Variants in CPB1 observed in about 807,000 individuals in gnomAD.
CPB1 encodes the protein carboxypeptidase B.
CPB1 carries 53 observed loss-of-function variants against 51.4 expected under a neutral mutation model. The observed-to-expected ratio is 1.03, with a 90% confidence interval of 0.83 to 1.30. The LOEUF is 1.30. Among genes scored for constraint, CPB1 ranks in the 50% most tolerant of loss-of-function variants. The pLI, the probability that CPB1 is intolerant of heterozygous loss-of-function variation, is 0.00. For missense variants in CPB1, 494 were observed against 516.2 expected, an observed-to-expected ratio of 0.96 and a Z score of 0.42; for synonymous variants, 189 against 186.9, an observed-to-expected ratio of 1.01 and a Z score of -0.09.
chr3:148,834,164 C>T (rs1348875349), intron 2 of CPB1, among the ~76,000 whole-genome samples: 1 of 152,178 alleles, frequency 6.6e-6, no homozygotes, highest in Non-Finnish European at 1.5e-5. Context: ...TCCATTACCA[C>T]ATAGCATCTA....
At chr3:148,845,751 T>G in intron 9 of CPB1, 125 bp downstream of exon 9, 1 of 719,694 alleles carries the variant, frequency 1.4e-6, no homozygotes, top group Non-Finnish European at 2.3e-6. Flanking sequence ...GGTAGTAGAA[T>G]TGAAAAACTT....
intron 3 of CPB1, among the ~76,000 whole-genome samples, chr3:148,839,972 C>T (rs1713028768): frequency 6.6e-6 from 1 of 152,032 alleles, no homozygotes; most frequent in South Asian, 2.1e-4. Flanking sequence ...AGACTGGCCT[C>T]ATAATAGAAA....
chr3:148,845,473 C>G lies in CPB1; in HGVS notation c.828C>G (p.Ala276=). Residue 276 remains alanine, a synonymous_variant, in exon 9 of 11, where the codon GCC becomes GCG. Coordinates refer to ENST00000282957, the MANE Select transcript of CPB1 (RefSeq NM_001871.3). ...NPCDETYCGP[A]AESEKETKAL... Reference sequence around the variant, plus strand: ...GTGATGAAACTTACTGTGGACCTGCCGCAGAGTCTGAAAAGGAGACCAAGG... The same window carrying G: ...GTGATGAAACTTACTGTGGACCTGCGGCAGAGTCTGAAAAGGAGACCAAGG... 1 of 1,613,880 alleles carries G rather than the reference C, an allele frequency of 6.2e-7. No homozygotes were observed. The highest frequency in any genetic ancestry group is 1.1e-5 in the South Asian group (1 of 91,070).
At chr3:148,841,498 T>TTGGTCA (rs1713080011) in intron 5 of CPB1, among the ~76,000 whole-genome samples, 1 of 152,210 alleles carries the variant, frequency 6.6e-6, no homozygotes, top group Admixed American at 6.5e-5. Context: ...TCCAGTTGTC[T>TTGGTCA]TGGTCATGTC....
chr3:148,853,423 G>C (rs1221753535), intron 9 of CPB1, among the ~76,000 whole-genome samples: 1 of 152,164 alleles, frequency 6.6e-6, no homozygotes, highest in Non-Finnish European at 1.5e-5. Context: ...CAGGTCCTTG[G>C]AACTCAATGC....
chr3:148,845,059 A>C (rs1413828099), intron 8 of CPB1, among the ~76,000 whole-genome samples: 1 of 152,168 alleles, frequency 6.6e-6, no homozygotes, highest in East Asian at 1.9e-4. Context: ...CTATTAAATA[A>C]ATAATTATTT....
intron 9 of CPB1, among the ~76,000 whole-genome samples, chr3:148,848,716 C>T (rs1713328689): frequency 6.6e-6 from 1 of 152,080 alleles, no homozygotes; most frequent in Non-Finnish European, 1.5e-5. Context: ...AATAATTGCT[C>T]ATATCATGAG....
At chr3:148,843,949 T>G (rs963659764) in intron 6 of CPB1, among the ~76,000 whole-genome samples, 2 of 152,152 alleles carry the variant, frequency 1.3e-5, no homozygotes, top group African/African-American at 4.8e-5. Context: ...TGAGCTTATT[T>G]TGAGAGGCAT....
intron 3 of CPB1, among the ~76,000 whole-genome samples, chr3:148,837,339 A>G (rs1712934768): frequency 6.6e-6 from 1 of 152,184 alleles, no homozygotes; most frequent in Non-Finnish European, 1.5e-5. Flanking sequence ...CAGTGGGCGC[A>G]AAGTCCAGGT....
chr3:148,854,687 A>G (rs527302530), intron 9 of CPB1: 3 of 152,340 alleles, frequency 2.0e-5, no homozygotes, highest in African/African-American at 7.2e-5. Flanking sequence ...GACTCAGTCA[A>G]CTAATCATGT....
At chr3:148,859,395 C>T (rs975082920) in intron 10 of CPB1, among the ~76,000 whole-genome samples, 4 of 152,130 alleles carry the variant, frequency 2.6e-5, no homozygotes, top group African/African-American at 9.7e-5. Flanking sequence ...AAGGCATAGC[C>T]CTGCCCTCAG....
At chr3:148,834,445 T>A in intron 2 of CPB1, 53 bp from the exon 3 acceptor site, 1 of 1,532,934 alleles carries the variant, frequency 6.5e-7, no homozygotes, top group Non-Finnish European at 9.0e-7. Context: ...GCTCGCAGAT[T>A]ATCCTTCATC....
At chr3:148,841,679 T>C in intron 5 of CPB1, 144 bp from the exon 6 acceptor site, 1 of 609,066 alleles carries the variant, frequency 1.6e-6, no homozygotes. Context: ...GTGTTAGTAT[T>C]ATATTTTAAT....
intron 4 of CPB1, 33 bp from the exon 5 acceptor site, chr3:148,840,841 C>T (rs1350847538): frequency 6.2e-7 from 1 of 1,612,902 alleles, no homozygotes; most frequent in East Asian, 2.2e-5. Context: ...ACCAAGAATG[C>T]CACATTGATC....
chr3:148,846,384 C>T (rs2108017328), intron 9 of CPB1, among the ~76,000 whole-genome samples: 1 of 151,292 alleles, frequency 6.6e-6, no homozygotes, highest in Non-Finnish European at 1.5e-5. Context: ...ATCTGGCTGC[C>T]AGAAATTGGC....
At chr3:148,829,641 G>A (rs895122042) in intron 2 of CPB1, among the ~76,000 whole-genome samples, 2 of 152,032 alleles carry the variant, frequency 1.3e-5, no homozygotes, top group African/African-American at 4.8e-5. Context: ...GTCATCCAGG[G>A]CAATAACTCT....
At chr3:148,848,189 T>C (rs1028682306) in intron 9 of CPB1, among the ~76,000 whole-genome samples, 2 of 152,180 alleles carry the variant, frequency 1.3e-5, no homozygotes, top group African/African-American at 2.4e-5. Context: ...CAAATATATG[T>C]ATAGACAAAA....
At chr3:148,846,793 G>GTGTGTGTA (rs1559960145) in intron 9 of CPB1, among the ~76,000 whole-genome samples, 7 of 20,846 alleles carry the variant, frequency 3.4e-4, no homozygotes, top group African/African-American at 1.0e-3. Context: ...GTGTGTGTGC[G>GTGTGTGTA]TGTGTATATA....
chr3:148,838,526 T>TTTTGG (rs1712978209), intron 3 of CPB1: 1 of 152,156 alleles, frequency 6.6e-6, no homozygotes, highest in South Asian at 2.1e-4. Flanking sequence ...GCTTGCTTTG[T>TTTTGG]TTTGGTTTGG....
Sources: allele counts gnomAD v4.1 joint callset (sites outside exome capture counted in the v4.1 genomes callset), GRCh38; gene constraint gnomAD v4.1.1; transcripts MANE v1.5; gene names NCBI Gene and HGNC (gene_info 2026-07-23, HGNC 2026-07-21).